The following BORCS5 variants were observed in gnomAD, a reference collection of about 807,000 sequenced individuals.
BORCS5 encodes BLOC-1-related complex subunit 5.
Under a neutral mutation model 22.1 loss-of-function variants are expected in BORCS5, and 17 were observed. The observed-to-expected ratio is 0.77, with a 90% CI of 0.53 to 1.15. BORCS5 has a LOEUF of 1.15. Ranked by LOEUF, BORCS5 falls within the 50% of genes most tolerant of loss-of-function variation. The pLI is 0.00. For synonymous variants in BORCS5, 117 were observed against 99.8 expected (o/e 1.17, Z -1.03); for missense variants, 247 against 253.2 (o/e 0.98, Z 0.17).
intron 2 of BORCS5, among the ~76,000 whole-genome samples, chr12:12,370,713 A>T (rs1287569570): frequency 6.6e-6 from 1 of 151,960 alleles, no homozygotes; most frequent in Non-Finnish European, 1.5e-5. Context: ...AAATGTTCCA[A>T]AATTGGCCAG....
At chr12:12,362,798 G>A (rs182537329) in intron 2 of BORCS5, among the ~76,000 whole-genome samples, 31 of 151,420 alleles carry the variant, frequency 2.0e-4, no homozygotes, top group African/African-American at 5.6e-4. Flanking sequence ...CTGCCACCAC[G>A]CCAAGCTAAA....
At chr12:12,454,050 G>C (rs74812953) in intron 3 of BORCS5, among the ~76,000 whole-genome samples, 3 of 152,142 alleles carry the variant, frequency 2.0e-5, no homozygotes, top group African/African-American at 7.2e-5. Context: ...TTTATTCTAT[G>C]AATAGACCAC....
At chr12:12,389,183 G>T (rs1863947358) in intron 2 of BORCS5, among the ~76,000 whole-genome samples, 1 of 140,080 alleles carries the variant, frequency 7.1e-6, no homozygotes, top group Non-Finnish European at 1.5e-5. Context: ...TGTCGCCCAG[G>T]CTGGAGGGCA....
Position 12,357,156 on chromosome 12 carries a change from G to C in BORCS5, c.-296G>C. ...GGCGCCGCCCGCCGGCCGCAGGTGC[G>C]GCAAAGCCAGTGTCATCTGCCGGTT... On this transcript the variant is annotated 5_prime_UTR_variant, in exon 1 of 4. Coordinates refer to ENST00000314565, the MANE Select transcript of BORCS5 (RefSeq NM_058169.6). 7 of 1,532,690 alleles carry C rather than the reference G, an allele frequency of 4.6e-6. No individual in the cohort carries two copies. Among genetic ancestry groups the C allele is most frequent in the East Asian group, 2.4e-5 (1 of 40,868 alleles). 94.9% of individuals were successfully genotyped at this position (1,532,690 alleles called of 1,614,324 possible).
intron 2 of BORCS5, among the ~76,000 whole-genome samples, chr12:12,370,134 A>ACG (rs1406067046): frequency 2.0e-5 from 3 of 147,356 alleles, no homozygotes; most frequent in Non-Finnish European, 3.0e-5. Flanking sequence ...ACACACACAC[A>ACG]CGTTTTTGTT....
At chr12:12,410,419 G>A (rs970531103) in intron 2 of BORCS5, among the ~76,000 whole-genome samples, 1 of 152,148 alleles carries the variant, frequency 6.6e-6, no homozygotes, top group Non-Finnish European at 1.5e-5. Context: ...TGTAAGGAAG[G>A]GATCCAGTTT....
rs1193962742 is a variant in BORCS5, at chr12:12,399,358, C to G, written c.203-36270C>G. Among the ~76,000 whole-genome samples, 2 of 152,108 alleles carry G rather than the reference C, an allele frequency of 1.3e-5. 1 individual carries two copies. On this transcript the variant is annotated intron_variant, in intron 2 of 3. Coordinates refer to ENST00000314565, the MANE Select transcript of BORCS5 (RefSeq NM_058169.6). ...GTTTCTTACGTAGCCCACTATTGTT[C>G]CCCAAATCAACACTCACTCTCCAGC...
intron 2 of BORCS5, among the ~76,000 whole-genome samples, chr12:12,415,342 C>G (rs1212366286): frequency 6.6e-6 from 1 of 150,852 alleles, no homozygotes; most frequent in Non-Finnish European, 1.5e-5. Flanking sequence ...CGGTTAGGAG[C>G]TGGAGACCAG....
At chr12:12,454,057 C>T (rs1302643348) in intron 3 of BORCS5, among the ~76,000 whole-genome samples, 1 of 152,158 alleles carries the variant, frequency 6.6e-6, no homozygotes, top group East Asian at 1.9e-4. Context: ...TATGAATAGA[C>T]CACATTTTGT....
chr12:12,428,605 T>C (rs1942347757), intron 2 of BORCS5, among the ~76,000 whole-genome samples: 1 of 152,232 alleles, frequency 6.6e-6, no homozygotes, highest in Non-Finnish European at 1.5e-5. Flanking sequence ...AATGGCCCTG[T>C]TGCTTAACTG....
intron 2 of BORCS5, among the ~76,000 whole-genome samples, chr12:12,421,682 G>A (rs1942125274): frequency 6.6e-6 from 1 of 152,086 alleles, no homozygotes; most frequent in Non-Finnish European, 1.5e-5. Context: ...TTCTGGTTCT[G>A]GACTTTTTTT....
At position 12,435,817 on chromosome 12, in the gene BORCS5, C is replaced by G; in HGVS notation, c.360+32C>G. On this transcript the variant is annotated intron_variant, in intron 3 of 3. Coordinates refer to ENST00000314565, the MANE Select transcript of BORCS5 (RefSeq NM_058169.6). ...TGCTGCGGGAAAATAACATTGCTGA[C>G]TGGTTGTTGTGATTCTCTGCAACTC... 3.1e-6 allele frequency: 5 copies of G among 1,595,456 alleles called. No homozygotes were observed. The East Asian group carries it at 6.8e-5, about 22-fold the overall frequency.
At chr12:12,459,246 A>G (rs1015103962) in intron 3 of BORCS5, among the ~76,000 whole-genome samples, 1 of 152,058 alleles carries the variant, frequency 6.6e-6, no homozygotes, top group African/African-American at 2.4e-5. Flanking sequence ...AAATCAATTT[A>G]ACCATTTTTA....
intron 2 of BORCS5, among the ~76,000 whole-genome samples, chr12:12,433,322 CAAAAAAAAA>C (rs34833037): frequency 2.5e-5 from 1 of 40,670 alleles, no homozygotes; most frequent in Admixed American, 3.9e-4. Context: ...GACTGTGTCT[CAAAAAAAAA>C]AAAAAAAAAA....
rs1367912508 is a variant in BORCS5, at chr12:12,388,336, G to C, written c.202+26987G>C. 2.0e-5 allele frequency among the ~76,000 whole-genome samples: 3 copies of C among 151,266 alleles called. 1 individual carries two copies. Among genetic ancestry groups the C allele is most frequent in the South Asian group, 2.1e-4 (1 of 4,758 alleles). ...CATAAAAATCACACCATTGATGAGA[G>C]AGTAATGATTCTAAGACCTGCCCCA... is the stretch of plus-strand genomic sequence containing the variant. On this transcript the variant is annotated intron_variant, in intron 2 of 3. Coordinates refer to ENST00000314565, the MANE Select transcript of BORCS5 (RefSeq NM_058169.6).
intron 2 of BORCS5, among the ~76,000 whole-genome samples, chr12:12,422,273 C>A (rs1942149650): frequency 6.9e-6 from 1 of 145,602 alleles, no homozygotes; most frequent in Non-Finnish European, 1.5e-5. Context: ...ACCAGCTTAG[C>A]TTTCTTTTCT....
At position 12,376,232 on chromosome 12, in the gene BORCS5, A is replaced by G. The variant is rs78127420; in HGVS notation, c.202+14883A>G. On this transcript the variant is annotated intron_variant, in intron 2 of 3. Transcript: ENST00000314565. The stretch of plus-strand genomic sequence containing the variant: ...GACAATTGGGATTGCTTTGCTCTTC[A>G]GTCTTTTTTTTTTTTTTTTGAGACA... Among the ~76,000 whole-genome samples the G allele has an allele frequency of 9.6e-3, 1,423 of 148,240 alleles. 83 individuals are homozygous for G. The East Asian group carries it at 0.17, about 17-fold the overall frequency.
chr12:12,386,111 G>A (rs1863873801), intron 2 of BORCS5, among the ~76,000 whole-genome samples: 1 of 149,072 alleles, frequency 6.7e-6, no homozygotes, highest in South Asian at 2.1e-4. Flanking sequence ...AGCGATTCTC[G>A]TACCTCAGTC....
chr12:12,435,047 T>C (rs762569844), intron 2 of BORCS5, among the ~76,000 whole-genome samples: 6 of 152,218 alleles, frequency 3.9e-5, no homozygotes, highest in Non-Finnish European at 7.3e-5. Flanking sequence ...GTTACCTGGC[T>C]AAGCTGGTGT....
Sources: gnomAD v4.1 joint callset for allele counts (sites outside exome capture counted in the v4.1 genomes callset) on GRCh38, gnomAD v4.1.1 for gene constraint, MANE v1.5 for transcripts, NCBI Gene and HGNC (gene_info 2026-07-23, HGNC 2026-07-21) for gene names.